GPC6: variants seen among roughly 807,000 people sequenced by gnomAD.
GPC6 encodes the protein glypican-6.
A neutral mutation model predicts 55.2 loss-of-function variants in GPC6; 14 were observed. The observed-to-expected ratio is 0.25, with a 90% CI of 0.17 to 0.40. The LOEUF is 0.40. GPC6 is among the 10% of genes least tolerant of loss of function. The probability of loss-of-function intolerance (pLI) is 1.00; values close to 1 mark genes in which losing one functional copy is unlikely to be tolerated. For missense variants in GPC6, 641 were observed against 708.5 expected (o/e 0.90, Z 1.08); for synonymous variants, 278 against 259.6 (o/e 1.07, Z -0.68).
intron 4 of GPC6, among the ~76,000 whole-genome samples, chr13:94,090,486 C>G (rs1885440243): frequency 6.6e-6 from 1 of 152,076 alleles, no homozygotes; most frequent in African/African-American, 2.4e-5. Context: ...TATATAATAG[C>G]TCATCATGAA....
At chr13:93,387,337 C>G (rs145363120) in intron 1 of GPC6, among the ~76,000 whole-genome samples, 1 of 152,062 alleles carries the variant, frequency 6.6e-6, no homozygotes, top group South Asian at 2.1e-4. Context: ...CCCTCCACCC[C>G]CAACAGGCCC....
At position 93,716,026 on chromosome 13, in the gene GPC6, G is replaced by A. The variant is rs185314091; in HGVS notation, c.320-114128G>A. 2.2e-4 allele frequency among the ~76,000 whole-genome samples: 34 copies of A among 151,654 alleles called. No individual in the cohort carries two copies. In the East Asian group the frequency reaches 2.9e-3, roughly 13 times the overall value. On this transcript the variant is annotated intron_variant, in intron 2 of 8. Transcript: ENST00000377047. The stretch of plus-strand genomic sequence containing the variant: ...AGATTATAAAAGAGCTGAAACTTTC[G>A]TATCCCCTCGTGACTCATAGCTATC...
intron 2 of GPC6, among the ~76,000 whole-genome samples, chr13:93,829,456 T>C (rs1887398838): frequency 6.6e-6 from 1 of 152,176 alleles, no homozygotes; most frequent in South Asian, 2.1e-4. Context: ...TAGAACCTCA[T>C]AACCAGAAAG....
intron 1 of GPC6, among the ~76,000 whole-genome samples, chr13:93,495,809 G>C (rs937387666): frequency 6.8e-6 from 1 of 146,486 alleles, no homozygotes; most frequent in African/African-American, 2.5e-5. Flanking sequence ...TGCCCCTGCT[G>C]GGGGGTGTCT....
At chr13:93,252,831 T>TA (rs1876831472) in intron 1 of GPC6, among the ~76,000 whole-genome samples, 1 of 152,248 alleles carries the variant, frequency 6.6e-6, no homozygotes, top group African/African-American at 2.4e-5. Flanking sequence ...TTTGTTTTCT[T>TA]ACCAGGCATA....
chr13:93,353,338 C>G (rs1164217097), intron 1 of GPC6, among the ~76,000 whole-genome samples: 1 of 152,100 alleles, frequency 6.6e-6, no homozygotes, highest in Non-Finnish European at 1.5e-5. Flanking sequence ...TGAAACACTC[C>G]AACAGGGCCT....
intron 3 of GPC6, among the ~76,000 whole-genome samples, chr13:93,965,855 ATGACTGTT>A (rs1196563023): frequency 1.3e-5 from 2 of 152,194 alleles, no homozygotes; most frequent in Non-Finnish European, 2.9e-5. Context: ...TGAATAAGGG[ATGACTGTT>A]TGCAGCCACT....
At chr13:93,962,472 T>C (rs1384051037) in intron 3 of GPC6, among the ~76,000 whole-genome samples, 1 of 152,084 alleles carries the variant, frequency 6.6e-6, no homozygotes, top group Non-Finnish European at 1.5e-5. Context: ...TTCATACTAC[T>C]CCCAGTTCCT....
Position 93,725,380 on chromosome 13 carries a change from C to T in GPC6, c.320-104774C>T, listed in dbSNP as rs369293715. Among the ~76,000 whole-genome samples, 28 of 152,086 alleles carry T rather than the reference C, an allele frequency of 1.8e-4. 1 individual carries two copies. In the East Asian group the frequency reaches 4.3e-3, roughly 23 times the overall value. On this transcript the variant is annotated intron_variant, in intron 2 of 8. Transcript: ENST00000377047. Reference sequence around the variant, plus strand: ...ATTTATCAAGAACCAACATAATAAGCCAGCCACTTATGATGAAACTCCCTT... The same window carrying T: ...ATTTATCAAGAACCAACATAATAAGTCAGCCACTTATGATGAAACTCCCTT...
chr13:93,288,839 A>T lies in GPC6; in HGVS notation c.160+61223A>T, dbSNP rs145104170. ...ATACTTAGCCCACTAAGGTGATTGA[A>T]GGGGTTACAGGTGTTTTCTGCAAAG... On this transcript the variant is annotated intron_variant, in intron 1 of 8. Coordinates refer to ENST00000377047, the MANE Select transcript of GPC6 (RefSeq NM_005708.5). Among the ~76,000 whole-genome samples, 1,077 of 152,316 alleles carry T rather than the reference A, an allele frequency of 7.1e-3. 9 individuals are homozygous for T. Among genetic ancestry groups the T allele is most frequent in the African/African-American group, 0.023 (972 of 41,578 alleles).
chr13:93,914,979 A>G (rs1018607062), intron 3 of GPC6, among the ~76,000 whole-genome samples: 3 of 152,180 alleles, frequency 2.0e-5, no homozygotes, highest in African/African-American at 7.2e-5. Flanking sequence ...AGTATTGGAC[A>G]TTTTCACATA....
At chr13:93,231,350 T>C (rs1351577728) in intron 1 of GPC6, among the ~76,000 whole-genome samples, 2 of 32,900 alleles carry the variant, frequency 6.1e-5, no homozygotes, top group South Asian at 8.5e-4. Context: ...TATATACATA[T>C]ATATATATAC....
intron 3 of GPC6, among the ~76,000 whole-genome samples, chr13:94,005,668 T>C (rs1881988892): frequency 6.6e-6 from 1 of 152,204 alleles, no homozygotes; most frequent in African/African-American, 2.4e-5. Flanking sequence ...TTCTGTATTT[T>C]TTGCAGTGAG....
chr13:94,313,705 G>A (rs1048342090), intron 6 of GPC6, among the ~76,000 whole-genome samples: 4 of 152,180 alleles, frequency 2.6e-5, no homozygotes, highest in African/African-American at 9.7e-5. Context: ...AATATTAAGT[G>A]TGAGTTATAT....
intron 6 of GPC6, among the ~76,000 whole-genome samples, chr13:94,356,630 A>C (rs1160833863): frequency 6.6e-6 from 1 of 152,244 alleles, no homozygotes; most frequent in Non-Finnish European, 1.5e-5. Flanking sequence ...GAGAAGAGCC[A>C]TCACTCCTGG....
chr13:93,798,779 C>G (rs137878850), intron 2 of GPC6, among the ~76,000 whole-genome samples: 4,671 of 151,744 alleles, frequency 0.031, 236 homozygotes, highest in African/African-American at 0.1. Context: ...ATTAGCAGGG[C>G]ATGGTGGTGT....
At chr13:94,275,912 C>A (rs114294930) in intron 4 of GPC6, among the ~76,000 whole-genome samples, 2,755 of 152,144 alleles carry the variant, frequency 0.018, 96 homozygotes, top group African/African-American at 0.064. Context: ...GGACAAAGAT[C>A]CAAACGTTTG....
chr13:94,169,216 G>C (rs1218285942), intron 4 of GPC6, among the ~76,000 whole-genome samples: 1 of 152,218 alleles, frequency 6.6e-6, no homozygotes, highest in Non-Finnish European at 1.5e-5. Flanking sequence ...GATTTCCTCT[G>C]TTGATGCAGT....
intron 5 of GPC6, among the ~76,000 whole-genome samples, chr13:94,303,098 G>A (rs1566652876): frequency 6.6e-6 from 1 of 152,252 alleles, no homozygotes; most frequent in African/African-American, 2.4e-5. Flanking sequence ...GTGGTGGATG[G>A]TGAGCGAAAG....
Sources: gnomAD v4.1 joint callset for allele counts (sites outside exome capture counted in the v4.1 genomes callset) on GRCh38, gnomAD v4.1.1 for gene constraint, MANE v1.5 for transcripts, NCBI Gene and HGNC (gene_info 2026-07-23, HGNC 2026-07-21) for gene names.